The following TRDN variants were observed in gnomAD, a reference collection of about 807,000 sequenced individuals.
The protein encoded by TRDN is triadin in skeletal muscle.
TRDN carries 161 observed loss-of-function variants against 149.7 expected under a neutral mutation model. The observed-to-expected ratio is 1.08, with a 90% CI of 0.95 to 1.23. The LOEUF (loss-of-function observed/expected upper bound fraction) is 1.23. Among genes scored for constraint, TRDN ranks in the 50% most tolerant of loss-of-function variants. TRDN has a pLI of 0.00. For missense variants in TRDN, 896 were observed against 823.5 expected (o/e 1.09, Z -1.08); for synonymous variants, 294 against 250.5 (o/e 1.17, Z -1.64).
chr6:123,278,459 C>A, intron 25 of TRDN, 112 bp from the exon 26 acceptor site: 1 of 695,226 alleles, frequency 1.4e-6, no homozygotes, highest in Non-Finnish European at 2.0e-6. Flanking sequence ...TCATTGGTTT[C>A]AATCTCCTAT....
intron 1 of TRDN, among the ~76,000 whole-genome samples, chr6:123,603,583 A>G (rs1784378969): frequency 6.6e-6 from 1 of 152,178 alleles, no homozygotes; most frequent in Non-Finnish European, 1.5e-5. Flanking sequence ...TCAGATGTTT[A>G]CTAAGCACTT....
chr6:123,330,226 T>G (rs1056269303), intron 23 of TRDN, among the ~76,000 whole-genome samples: 1 of 152,080 alleles, frequency 6.6e-6, no homozygotes, highest in Non-Finnish European at 1.5e-5. Flanking sequence ...AAAAGAAATA[T>G]AGCATCATTG....
At chr6:123,303,043 G>C (rs1778484891) in intron 24 of TRDN, among the ~76,000 whole-genome samples, 1 of 151,890 alleles carries the variant, frequency 6.6e-6, no homozygotes, top group South Asian at 2.1e-4. Context: ...CAATAAATTT[G>C]ATAGACTGGC....
In TRDN at chr6:123,337,666, A is replaced by G. The variant is rs1216864060; in HGVS notation, c.1373T>C (p.Ile458Thr). ...EKTTKTVEQE[I>T]RKEKSGKTSS... is the part of the protein sequence containing the mutation. ...AGTCTTCCCAGATTTTTCTTTTCTA[A>G]TTTCTGCAAGAGAGATCATGGGAAG... Residue 458 changes from isoleucine (I) to threonine (T), a missense_variant, in exon 22 of 41, where the codon ATT becomes ACT. Ile to Thr is a moderately conservative substitution (Grantham distance 89). Transcript: ENST00000334268. The G allele has an allele frequency of 1.4e-6, 2 of 1,459,802 alleles. No homozygotes were observed. The highest frequency in any genetic ancestry group is 1.8e-6 in the Non-Finnish European group (2 of 1,089,166). 90.4% of individuals were successfully genotyped at this position (1,459,802 alleles called of 1,614,324 possible).
chr6:123,247,899 A>T (rs1776241857), intron 38 of TRDN, among the ~76,000 whole-genome samples: 1 of 152,192 alleles, frequency 6.6e-6, no homozygotes, highest in South Asian at 2.1e-4. Flanking sequence ...ACCAAAACAG[A>T]TATATAGACC....
chr6:123,570,439 C>T (rs1015777343), intron 2 of TRDN, among the ~76,000 whole-genome samples: 2 of 151,976 alleles, frequency 1.3e-5, no homozygotes, highest in East Asian at 1.9e-4. Flanking sequence ...ATAGGATGGC[C>T]GGTGGCAGAA....
chr6:123,519,473 GTTTTTTTT>G (rs762378636), intron 5 of TRDN, among the ~76,000 whole-genome samples: 1 of 73,930 alleles, frequency 1.4e-5, no homozygotes, highest in Admixed American at 1.9e-4. Context: ...TGACCCTGTG[GTTTTTTTT>G]TTTTTTTTTT....
chr6:123,483,487 G>T (rs1777855431), intron 9 of TRDN, among the ~76,000 whole-genome samples: 2 of 151,940 alleles, frequency 1.3e-5, no homozygotes, highest in Non-Finnish European at 2.9e-5. Flanking sequence ...AAATAAATAG[G>T]AAACAATACT....
chr6:123,269,337 T>A (rs1490601734), intron 31 of TRDN, among the ~76,000 whole-genome samples: 16 of 152,068 alleles, frequency 1.1e-4, no homozygotes, highest in Admixed American at 1.1e-3. Context: ...TTAAATGGAT[T>A]TCTAAATGCC....
At chr6:123,614,458 T>C (rs1266563376) in intron 1 of TRDN, among the ~76,000 whole-genome samples, 4 of 151,508 alleles carry the variant, frequency 2.6e-5, no homozygotes, top group Non-Finnish European at 5.9e-5. Flanking sequence ...TGTTATACTA[T>C]TACACTATTA....
chr6:123,382,245 T>G lies in TRDN; in HGVS notation c.1136-98A>C, dbSNP rs186250204. 25 of 779,914 alleles carry G rather than the reference T, an allele frequency of 3.2e-5. No individual in the cohort carries two copies. In the Admixed American group the frequency reaches 4.5e-4, roughly 14 times the overall value. The allele number at this position is 779,914 out of a possible 1,614,324, so 48.3% of individuals were successfully genotyped here. On this transcript the variant is annotated intron_variant, in intron 14 of 40. Transcript: ENST00000334268. The stretch of plus-strand genomic sequence containing the variant: ...TCTATAAACAATCAAATAAAATTGA[T>G]TATTCAACAAATTGATCATTTGTAT...
chr6:123,544,612 C>T (rs1022246691), intron 4 of TRDN, among the ~76,000 whole-genome samples: 18 of 151,654 alleles, frequency 1.2e-4, no homozygotes, highest in Admixed American at 2.6e-4. Flanking sequence ...TAATTTTTTC[C>T]GAAAATGTGA....
intron 2 of TRDN, among the ~76,000 whole-genome samples, chr6:123,562,332 T>C (rs558882991): frequency 2.5e-4 from 38 of 152,356 alleles, no homozygotes; most frequent in African/African-American, 8.7e-4. Context: ...GGTGGTCTCT[T>C]CACATGGACA....
chr6:123,264,903 A>G (rs568125017), intron 33 of TRDN, among the ~76,000 whole-genome samples: 2 of 152,150 alleles, frequency 1.3e-5, no homozygotes, highest in Admixed American at 1.3e-4. Context: ...ATCCTCTTGC[A>G]CACTTAATAG....
intron 1 of TRDN, among the ~76,000 whole-genome samples, chr6:123,590,717 G>A (rs917579367): frequency 5.3e-5 from 8 of 152,052 alleles, no homozygotes; most frequent in African/African-American, 1.2e-4. Flanking sequence ...AGCCAAGACC[G>A]TGCCCATTCT....
At chr6:123,237,803 T>A (rs1775845325) in intron 38 of TRDN, among the ~76,000 whole-genome samples, 1 of 152,118 alleles carries the variant, frequency 6.6e-6, no homozygotes, top group African/African-American at 2.4e-5. Context: ...TGAAAGTATG[T>A]CACAATAAGA....
At chr6:123,360,555 T>C (rs1780856792) in intron 20 of TRDN, among the ~76,000 whole-genome samples, 1 of 152,158 alleles carries the variant, frequency 6.6e-6, no homozygotes, top group African/African-American at 2.4e-5. Context: ...TTAGCAATGA[T>C]GATGTCATCA....
At chr6:123,269,701 A>T (rs1777139268) in intron 31 of TRDN, 148 bp downstream of exon 31, 2 of 692,812 alleles carry the variant, frequency 2.9e-6, no homozygotes, top group Non-Finnish European at 4.5e-6. Context: ...ACTAACAATT[A>T]AATAGCAATA....
At chr6:123,226,951 A>C (rs887398966) in intron 38 of TRDN, among the ~76,000 whole-genome samples, 1 of 151,872 alleles carries the variant, frequency 6.6e-6, no homozygotes, top group Non-Finnish European at 1.5e-5. Context: ...TGCCAAAATT[A>C]AAGTGAGGGC....
Sources: gnomAD v4.1 joint callset for allele counts (sites outside exome capture counted in the v4.1 genomes callset) on GRCh38, gnomAD v4.1.1 for gene constraint, MANE v1.5 for transcripts, NCBI Gene and HGNC (gene_info 2026-07-23, HGNC 2026-07-21) for gene names.